The following PHF21B variants were observed in gnomAD, a reference collection of about 807,000 sequenced individuals.
The protein encoded by PHF21B is PHD finger protein 21B.
PHF21B carries 22 observed loss-of-function variants against 62.2 expected under a neutral mutation model. The observed-to-expected ratio is 0.35, with a 90% CI of 0.25 to 0.51. The LOEUF (loss-of-function observed/expected upper bound fraction) is 0.51. Among genes scored for constraint, PHF21B ranks in the 20% least tolerant of loss-of-function variants. The pLI is 0.97. For synonymous variants in PHF21B, 341 were observed against 314.7 expected (o/e 1.08, Z -0.88); for missense variants, 701 against 707.9 (o/e 0.99, Z 0.11).
intron 5 of PHF21B, among the ~76,000 whole-genome samples, chr22:44,908,116 T>C (rs1327511112): frequency 6.6e-6 from 1 of 152,192 alleles, no homozygotes; most frequent in Non-Finnish European, 1.5e-5. Context: ...GTTCGGGTCC[T>C]GAGCAGTAGG....
intron 2 of PHF21B, among the ~76,000 whole-genome samples, chr22:44,943,568 CCCCGCGGGCTCTAGAGT>C (rs2072004308): frequency 1.3e-5 from 2 of 152,052 alleles, no homozygotes; most frequent in African/African-American, 4.8e-5. Flanking sequence ...TTCCTCCAGG[CCCCGCGGGCTCTAGAGT>C]CCTGGCAGCT....
intron 2 of PHF21B, among the ~76,000 whole-genome samples, chr22:44,954,858 T>G (rs1253012860): frequency 6.6e-6 from 1 of 152,116 alleles, no homozygotes; most frequent in East Asian, 1.9e-4. Flanking sequence ...GAAGTCGGGC[T>G]TTGAAGGAAG....
intron 2 of PHF21B, among the ~76,000 whole-genome samples, chr22:44,968,631 G>C (rs2072577427): frequency 8.6e-6 from 1 of 115,714 alleles, no homozygotes; most frequent in Admixed American, 1.0e-4. Flanking sequence ...TCAACAGAGT[G>C]AGATTCCATC....
chr22:44,946,149 C>T (rs780917485), intron 2 of PHF21B, among the ~76,000 whole-genome samples: 4 of 146,872 alleles, frequency 2.7e-5, no homozygotes, highest in South Asian at 2.1e-4. Flanking sequence ...AGAGTGGTCA[C>T]GGAAGGCTTC....
rs577279847 is a variant in PHF21B, at chr22:45,009,621, G to T, written c.-72C>A. 4 of 1,433,012 alleles carry T rather than the reference G, an allele frequency of 2.8e-6. No homozygotes were observed. The African/African-American group carries it at 4.5e-5, about 16-fold the overall frequency. The allele number at this position is 1,433,012 out of a possible 1,614,324, so 88.8% of individuals were successfully genotyped here. ...CGGGAAGTTGCGCGGCTCCGCGGGGGCCAGAGCGGGCGCGGGCGGACGCGG... is the reference window on the plus strand; with the variant it reads ...CGGGAAGTTGCGCGGCTCCGCGGGGTCCAGAGCGGGCGCGGGCGGACGCGG... On this transcript the variant is annotated 5_prime_UTR_variant, in exon 1 of 13. Transcript: ENST00000313237. The surrounding 1 kb of genome is among the most constrained non-coding windows in gnomAD (Gnocchi z 5.9).
chr22:45,005,642 C>A (rs894234115), intron 2 of PHF21B, among the ~76,000 whole-genome samples: 1 of 152,140 alleles, frequency 6.6e-6, no homozygotes, highest in Non-Finnish European at 1.5e-5. Flanking sequence ...GACAGGATTC[C>A]GCTGCTGGCG....
chr22:44,937,485 G>C (rs1448661246), intron 2 of PHF21B, among the ~76,000 whole-genome samples: 1 of 152,184 alleles, frequency 6.6e-6, no homozygotes, highest in Non-Finnish European at 1.5e-5. Context: ...TGCAGGAGTG[G>C]GAGGCAGTGC....
chr22:44,883,183 G>A lies in PHF21B; in HGVS notation c.1499C>T (p.Thr500Met), dbSNP rs369750167. Reference sequence around the variant, plus strand: ...CAGCAGTGGGGCAGGGCTAGTGGTCGTCATGGTGACCTGGAGCAGCTGCTC... The same window carrying A: ...CAGCAGTGGGGCAGGGCTAGTGGTCATCATGGTGACCTGGAGCAGCTGCTC... The part of the protein sequence containing the change: ...QGEQLLQVTM[T>M]TTSPAPLLAG... The change falls in exon 13 of 13, where the codon ACG (threonine) becomes ATG (methionine). Residue 500 changes from threonine (T) to methionine (M), a missense_variant. By Grantham distance (81) the Thr-to-Met change is moderately conservative. Transcript: ENST00000313237. The A allele has an allele frequency of 2.5e-5, 40 of 1,613,460 alleles. No individual in the cohort carries two copies. In the African/African-American group the frequency reaches 4.0e-4, roughly 16 times the overall value.
chr22:44,928,572 G>A (rs936704102), intron 2 of PHF21B, among the ~76,000 whole-genome samples: 1 of 152,134 alleles, frequency 6.6e-6, no homozygotes, highest in Non-Finnish European at 1.5e-5. Flanking sequence ...ACCATGTCTG[G>A]CTAATTTTTA....
At chr22:44,922,181 A>G (rs1050654542) in intron 2 of PHF21B, among the ~76,000 whole-genome samples, 2 of 152,248 alleles carry the variant, frequency 1.3e-5, no homozygotes, top group Admixed American at 1.3e-4. Context: ...TTATCCCAGG[A>G]CTGCAGGGCT....
chr22:44,994,260 A>G (rs1204236890), intron 2 of PHF21B, among the ~76,000 whole-genome samples: 1 of 152,212 alleles, frequency 6.6e-6, no homozygotes, highest in Non-Finnish European at 1.5e-5. Context: ...TACAGATGTA[A>G]TTAGTTAGCT....
Position 44,893,621 on chromosome 22 carries a change from C to T in PHF21B, c.884-88G>A, listed in dbSNP as rs1300045217. The T allele has an allele frequency of 4.7e-6, 6 of 1,285,154 alleles. No individual in the cohort carries two copies. The East Asian group carries it at 1.5e-4, about 32-fold the overall frequency. The allele number at this position is 1,285,154 out of a possible 1,614,324, so 79.6% of individuals were successfully genotyped here. A position where few individuals can be genotyped will look rare whatever the true frequency, so the allele number is the denominator to read the frequency against. ...CTTGCCAAGCCCTGGGCACCACCAT[C>T]CCCTCCTGCTCTGAAGCCTCTCTGT... is the stretch of plus-strand genomic sequence containing the variant. On this transcript the variant is annotated intron_variant, in intron 6 of 12. Coordinates refer to ENST00000313237, the MANE Select transcript of PHF21B (RefSeq NM_138415.5).
At chr22:44,996,123 G>T (rs958897045) in intron 2 of PHF21B, among the ~76,000 whole-genome samples, 1 of 152,118 alleles carries the variant, frequency 6.6e-6, no homozygotes, top group Non-Finnish European at 1.5e-5. Flanking sequence ...ACAACAGGGG[G>T]GTGCTGGGCC....
At chr22:44,888,784 C>T (rs1464645327) in intron 9 of PHF21B, among the ~76,000 whole-genome samples, 2 of 152,132 alleles carry the variant, frequency 1.3e-5, no homozygotes, top group East Asian at 1.9e-4. Context: ...GTCTCCACCC[C>T]TTGTGTCATG....
intron 3 of PHF21B, among the ~76,000 whole-genome samples, chr22:44,919,973 G>GCTGC (rs1449334601): frequency 6.6e-6 from 1 of 152,224 alleles, no homozygotes; most frequent in Non-Finnish European, 1.5e-5. Flanking sequence ...CAGAGTCTGT[G>GCTGC]CTGCCCCTCC....
At chr22:44,962,315 C>A (rs1396901178) in intron 2 of PHF21B, among the ~76,000 whole-genome samples, 1 of 152,138 alleles carries the variant, frequency 6.6e-6, no homozygotes, top group African/African-American at 2.4e-5. Context: ...GATGAAGTTA[C>A]ATCCCAATAA....
chr22:44,995,582 G>C (rs1379617839), intron 2 of PHF21B, among the ~76,000 whole-genome samples: 2 of 152,088 alleles, frequency 1.3e-5, no homozygotes, highest in African/African-American at 2.4e-5. Flanking sequence ...CTAAACCTTG[G>C]GAGCTTGGAC....
chr22:44,900,548 G>A (rs561417732), intron 5 of PHF21B, among the ~76,000 whole-genome samples: 55 of 152,274 alleles, frequency 3.6e-4, no homozygotes, highest in African/African-American at 1.1e-3. Flanking sequence ...TGATCCACCC[G>A]CCTCGGCCTC....
At chr22:44,998,154 A>G (rs2073153293) in intron 2 of PHF21B, among the ~76,000 whole-genome samples, 1 of 152,238 alleles carries the variant, frequency 6.6e-6, no homozygotes, top group African/African-American at 2.4e-5. Context: ...GTGCCCTGCC[A>G]AAGCTGCCTG....
Sources: allele counts gnomAD v4.1 joint callset (sites outside exome capture counted in the v4.1 genomes callset), GRCh38; gene constraint gnomAD v4.1.1; non-coding constraint Gnocchi (gnomAD v3.1); transcripts MANE v1.5; gene names NCBI Gene and HGNC (gene_info 2026-07-23, HGNC 2026-07-21).